EHBP1: variants seen among roughly 807,000 people sequenced by gnomAD.
The protein encoded by EHBP1 is EH domain-binding protein 1.
A neutral mutation model predicts 144.0 loss-of-function variants in EHBP1; 55 were observed. That is an observed-to-expected ratio of 0.38 (90% CI 0.31 to 0.48). The LOEUF is 0.48. EHBP1 is among the 20% of genes least tolerant of loss of function. The probability of loss-of-function intolerance (pLI) is 0.98; values close to 1 mark genes in which losing one functional copy is unlikely to be tolerated. For missense variants in EHBP1, 1,200 were observed against 1,364.2 expected, an observed-to-expected ratio of 0.88 and a Z score of 1.90; for synonymous variants, 469 against 472.7, an observed-to-expected ratio of 0.99 and a Z score of 0.10.
chr2:62,942,965 A>G, intron 11 of EHBP1, 69 bp downstream of exon 11: 1 of 1,170,880 alleles, frequency 8.5e-7, no homozygotes, highest in Non-Finnish European at 1.2e-6. Context: ...AACATAAAAT[A>G]ATTTCTTAGC....
intron 10 of EHBP1, among the ~76,000 whole-genome samples, chr2:62,895,612 G>T (rs2052853100): frequency 6.6e-6 from 1 of 152,118 alleles, no homozygotes; most frequent in Admixed American, 6.6e-5. Flanking sequence ...AAAAACACAT[G>T]ATCAGATTTC....
chr2:62,683,532 G>A (rs1019673096), intron 1 of EHBP1, among the ~76,000 whole-genome samples: 5 of 151,934 alleles, frequency 3.3e-5, no homozygotes, highest in African/African-American at 7.2e-5. Flanking sequence ...GGTGGCGGGC[G>A]CCTGTAGTCT....
chr2:62,797,694 TAAAAAAC>T (rs779914987), intron 5 of EHBP1, among the ~76,000 whole-genome samples: 26 of 152,246 alleles, frequency 1.7e-4, no homozygotes, highest in Admixed American at 3.9e-4. Context: ...CTATCTTTTT[TAAAAAAC>T]AAAAAACAAA....
At chr2:62,863,112 G>C (rs1204267863) in intron 8 of EHBP1, among the ~76,000 whole-genome samples, 1 of 151,412 alleles carries the variant, frequency 6.6e-6, no homozygotes, top group East Asian at 2.0e-4. Context: ...GTGAAACCCT[G>C]TCTCTACTAA....
At chr2:62,938,548 G>A (rs1272473462) in intron 10 of EHBP1, among the ~76,000 whole-genome samples, 2 of 152,156 alleles carry the variant, frequency 1.3e-5, no homozygotes, top group East Asian at 1.9e-4. Context: ...CTTTATTACC[G>A]TTCACATGTA....
intron 2 of EHBP1, among the ~76,000 whole-genome samples, chr2:62,745,192 T>G (rs1391745000): frequency 6.6e-6 from 1 of 152,088 alleles, no homozygotes; most frequent in East Asian, 1.9e-4. Context: ...ACCTCAACCT[T>G]GTACTAGATT....
chr2:62,758,339 C>A (rs2040481031), intron 3 of EHBP1, among the ~76,000 whole-genome samples: 1 of 152,102 alleles, frequency 6.6e-6, no homozygotes, highest in Non-Finnish European at 1.5e-5. Context: ...AAACTCCTGA[C>A]CTCAGATGAG....
chr2:62,772,178 A>G (rs1389407742), intron 5 of EHBP1: 1 of 147,376 alleles, frequency 6.8e-6, no homozygotes, highest in Non-Finnish European at 1.5e-5. Context: ...AGGAAGGGGG[A>G]AAGGAGGAAG....
chr2:62,809,897 C>T (rs902374486), intron 5 of EHBP1, among the ~76,000 whole-genome samples: 1 of 152,100 alleles, frequency 6.6e-6, no homozygotes, highest in Non-Finnish European at 1.5e-5. Context: ...ACCAAAAATA[C>T]GTTCAACATA....
intron 3 of EHBP1, among the ~76,000 whole-genome samples, chr2:62,750,674 A>T (rs1402118045): frequency 6.6e-6 from 1 of 152,142 alleles, no homozygotes; most frequent in Non-Finnish European, 1.5e-5. Context: ...AGTGGTTTGT[A>T]GTTCTCCTTG....
intron 2 of EHBP1, among the ~76,000 whole-genome samples, chr2:62,738,423 A>C (rs867220266): frequency 6.6e-6 from 1 of 151,980 alleles, no homozygotes; most frequent in South Asian, 2.1e-4. Context: ...TTCCCTTATG[A>C]CCCTGCAGTG....
chr2:62,899,466 G>T (rs976779495), intron 10 of EHBP1, among the ~76,000 whole-genome samples: 1 of 152,130 alleles, frequency 6.6e-6, no homozygotes, highest in African/African-American at 2.4e-5. Context: ...ATTCAGTTTT[G>T]CAGTTTATAG....
chr2:62,916,548 G>C lies in EHBP1; in HGVS notation c.1186-26170G>C, dbSNP rs192120665. ...GTGGAATTTGCAGTGAGCCAAGATT[G>C]CACCACTGCACACCACCTTGGGCAA... On this transcript the variant is annotated intron_variant, in intron 10 of 22. Transcript: ENST00000431489. Among the ~76,000 whole-genome samples the C allele has an allele frequency of 2.3e-3, 340 of 150,792 alleles. 1 individual carries two copies. Among genetic ancestry groups the C allele is most frequent in the African/African-American group, 8.2e-3 (335 of 41,016 alleles).
rs566207205 is a variant in EHBP1 at position 62,699,158 on chromosome 2, C to T, written c.-295-7739C>T. Among the ~76,000 whole-genome samples the T allele has an allele frequency of 9.2e-5, 14 of 152,302 alleles. No homozygotes were observed. The South Asian group carries it at 2.1e-3, about 23-fold the overall frequency. On this transcript the variant is annotated intron_variant, in intron 1 of 22. Transcript: ENST00000405015. The stretch of plus-strand genomic sequence containing the variant: ...GAATGATATTAATTATATTATCTTG[C>T]TCATACAAATATAATCATCTATGAA...
At chr2:62,773,658 G>T (rs1362222945) in intron 5 of EHBP1, among the ~76,000 whole-genome samples, 1 of 151,590 alleles carries the variant, frequency 6.6e-6, no homozygotes, top group Non-Finnish European at 1.5e-5. Flanking sequence ...AGCCCAGTCT[G>T]GCCAACATGG....
rs2059606230 is a variant in EHBP1 at position 62,995,802 on chromosome 2, T to C, written c.2980-841T>C. ...CCATAAATAACCCTGACTTTGATGA[T>C]TTAAATTTGTAATATGATTGTAAAA... On this transcript the variant is annotated intron_variant, in intron 18 of 22. Transcript: ENST00000431489. 2.0e-5 allele frequency among the ~76,000 whole-genome samples: 3 copies of C among 152,228 alleles called. No individual in the cohort carries two copies. In the South Asian group the frequency reaches 6.2e-4, roughly 32 times the overall value.
chr2:62,870,112 T>C (rs909873961), intron 9 of EHBP1, among the ~76,000 whole-genome samples: 1 of 152,168 alleles, frequency 6.6e-6, no homozygotes, highest in Non-Finnish European at 1.5e-5. Context: ...CAAAACACTC[T>C]ATATGTGGGT....
At chr2:62,729,536 TA>T (rs1558563570) in intron 2 of EHBP1, among the ~76,000 whole-genome samples, 3 of 117,882 alleles carry the variant, frequency 2.5e-5, no homozygotes, top group African/African-American at 6.7e-5. Context: ...ATAATATATA[TA>T]ATATATATTA....
chr2:62,924,259 A>G (rs1306010928), intron 10 of EHBP1, among the ~76,000 whole-genome samples: 1 of 152,226 alleles, frequency 6.6e-6, no homozygotes. Flanking sequence ...GCAAGTTTAT[A>G]GCAATAAATG....
Sources: allele counts gnomAD v4.1 joint callset (sites outside exome capture counted in the v4.1 genomes callset), GRCh38; gene constraint gnomAD v4.1.1; transcripts MANE v1.5; gene names NCBI Gene and HGNC (gene_info 2026-07-23, HGNC 2026-07-21).